Variants in KIF21A observed in about 807,000 individuals in gnomAD.
KIF21A encodes kinesin-like protein KIF21A.
In KIF21A, 114 loss-of-function variants were observed where a neutral mutation model predicts 202.9. The observed-to-expected ratio is 0.56, with a 90% CI of 0.48 to 0.66. The LOEUF is 0.66. KIF21A is among the 30% of genes least tolerant of loss of function. KIF21A has a pLI of 0.00. For missense variants in KIF21A, 1,677 were observed against 1,994.9 expected, an observed-to-expected ratio of 0.84 and a Z score of 3.04; for synonymous variants, 667 against 670.8, an observed-to-expected ratio of 0.99 and a Z score of 0.09.
At chr12:39,387,032 A>G (rs1950989954) in intron 1 of KIF21A, among the ~76,000 whole-genome samples, 1 of 152,104 alleles carries the variant, frequency 6.6e-6, no homozygotes, top group Admixed American at 6.6e-5. Context: ...ACAAAGTCCA[A>G]CAATTTAAAT....
At chr12:39,304,684 G>A (rs1943285105) in intron 35 of KIF21A, 137 bp downstream of exon 35, 1 of 623,520 alleles carries the variant, frequency 1.6e-6, no homozygotes, top group East Asian at 2.9e-5. Context: ...AACTATGAAT[G>A]AGGAAAAGAT....
At chr12:39,422,635 T>C (rs1954395541) in intron 1 of KIF21A, among the ~76,000 whole-genome samples, 2 of 152,152 alleles carry the variant, frequency 1.3e-5, no homozygotes, top group South Asian at 4.1e-4. Context: ...CCAAAACATC[T>C]CCACCCCTAG....
chr12:39,354,314 C>T (rs2138751310), intron 10 of KIF21A, among the ~76,000 whole-genome samples: 1 of 152,172 alleles, frequency 6.6e-6, no homozygotes, highest in Admixed American at 6.5e-5. Context: ...TATATTACCG[C>T]TTTTCAAAGA....
intron 1 of KIF21A, among the ~76,000 whole-genome samples, chr12:39,420,457 A>C (rs1464869709): frequency 6.6e-6 from 1 of 152,146 alleles, no homozygotes; most frequent in Non-Finnish European, 1.5e-5. Flanking sequence ...AAGAACATCA[A>C]GCAAAGAACT....
intron 1 of KIF21A, among the ~76,000 whole-genome samples, chr12:39,419,381 G>C (rs898943303): frequency 2.6e-5 from 4 of 152,180 alleles, no homozygotes; most frequent in Non-Finnish European, 2.9e-5. Context: ...CTCAGCCCTA[G>C]TTCCTATAAT....
intron 34 of KIF21A, among the ~76,000 whole-genome samples, chr12:39,307,063 A>AT (rs891455472): frequency 1.3e-5 from 2 of 152,110 alleles, no homozygotes; most frequent in Non-Finnish European, 2.9e-5. Flanking sequence ...TTAATTTATC[A>AT]TTTTTTTCTT....
In KIF21A at chr12:39,308,737, C is replaced by T. The variant is rs372701022; in HGVS notation, c.4277+849G>A. Among the ~76,000 whole-genome samples the T allele has an allele frequency of 1.5e-3, 229 of 151,964 alleles. 2 individuals are homozygous for T. The highest frequency in any genetic ancestry group is 5.3e-3 in the African/African-American group (220 of 41,420). On this transcript the variant is annotated intron_variant, in intron 33 of 37. Coordinates refer to ENST00000361418, the MANE Select transcript of KIF21A (RefSeq NM_001173464.2). ...CTTTTCAAATTTAACTTCAGTGATT[C>T]AATTGAATTGGTAAATTCTAACATA... is the stretch of plus-strand genomic sequence containing the variant.
At chr12:39,440,917 A>G (rs142766496) in intron 1 of KIF21A, among the ~76,000 whole-genome samples, 2 of 152,032 alleles carry the variant, frequency 1.3e-5, no homozygotes, top group African/African-American at 4.8e-5. Flanking sequence ...CAGCAGGCTG[A>G]GATTAGAGGA....
At chr12:39,349,569 G>T (rs1214161950) in intron 11 of KIF21A, among the ~76,000 whole-genome samples, 1 of 151,976 alleles carries the variant, frequency 6.6e-6, no homozygotes, top group South Asian at 2.1e-4. Context: ...GGAACTCTAG[G>T]TTTATTGTAT....
In KIF21A at chr12:39,442,926, C is replaced by G. The variant is rs1939867067; in HGVS notation, c.44+1G>C. 6.6e-7 allele frequency: 1 copy of G among 1,525,186 alleles called. No homozygotes were observed. The highest frequency in any genetic ancestry group is 2.0e-5 in the Admixed American group (1 of 50,514). The allele number at this position is 1,525,186 out of a possible 1,614,324, so 94.5% of individuals were successfully genotyped here. A position where few individuals can be genotyped will look rare whatever the true frequency, so the allele number is the denominator to read the frequency against. ...GCCCGCCGCCGGCAGACTGTCCTCA[C>G]CTGACAGCCACCCGCACGGAGCTCT... On this transcript the variant is annotated splice_donor_variant, in intron 1 of 37. Coordinates refer to ENST00000361418, the MANE Select transcript of KIF21A (RefSeq NM_001173464.2). LOFTEE classifies it high-confidence loss of function. The surrounding 1 kb of genome is among the most constrained non-coding windows in gnomAD (Gnocchi z 5.0).
intron 20 of KIF21A, 24 bp downstream of exon 20, chr12:39,332,567 G>A (rs200893883): frequency 3.8e-5 from 61 of 1,606,556 alleles, no homozygotes; most frequent in Middle Eastern, 1.7e-4. Flanking sequence ...AAGGGGGAGC[G>A]TATCTACTCT....
At chr12:39,374,681 G>A (rs372219005) in intron 1 of KIF21A, among the ~76,000 whole-genome samples, 89 of 152,172 alleles carry the variant, frequency 5.8e-4, no homozygotes, top group African/African-American at 2.1e-3. Context: ...GTATTTTAAT[G>A]CAAGATATAT....
At chr12:39,327,802 C>T (rs1946102651) in intron 24 of KIF21A, among the ~76,000 whole-genome samples, 1 of 152,156 alleles carries the variant, frequency 6.6e-6, no homozygotes, top group Non-Finnish European at 1.5e-5. Flanking sequence ...CTGTTGTACT[C>T]TCAACTCTGA....
At chr12:39,306,695 C>T (rs997113768) in intron 34 of KIF21A, among the ~76,000 whole-genome samples, 10 of 152,098 alleles carry the variant, frequency 6.6e-5, no homozygotes, top group African/African-American at 2.2e-4. Flanking sequence ...TGTTTAATGG[C>T]CTTTATTCTC....
intron 1 of KIF21A, among the ~76,000 whole-genome samples, chr12:39,432,990 C>T (rs1051938277): frequency 6.6e-6 from 1 of 151,946 alleles, no homozygotes; most frequent in African/African-American, 2.4e-5. Flanking sequence ...CTGATTACAA[C>T]AATTTCAAAA....
chr12:39,355,707 T>TA (rs1948718369), intron 10 of KIF21A, among the ~76,000 whole-genome samples: 1 of 101,240 alleles, frequency 9.9e-6, no homozygotes, highest in Non-Finnish European at 1.9e-5. Flanking sequence ...GCATGAACAA[T>TA]TATATATATA....
chr12:39,432,162 T>C (rs1366227888), intron 1 of KIF21A, among the ~76,000 whole-genome samples: 1 of 152,242 alleles, frequency 6.6e-6, no homozygotes, highest in African/African-American at 2.4e-5. Flanking sequence ...GAACTAGTTA[T>C]GGTCTTGTGT....
intron 3 of KIF21A, among the ~76,000 whole-genome samples, chr12:39,368,504 G>A (rs1592373801): frequency 6.6e-6 from 1 of 152,096 alleles, no homozygotes; most frequent in Non-Finnish European, 1.5e-5. Flanking sequence ...TAGTGTTCCT[G>A]TATCAATAGT....
intron 1 of KIF21A, among the ~76,000 whole-genome samples, chr12:39,410,120 C>T (rs1485750348): frequency 6.6e-6 from 1 of 152,148 alleles, no homozygotes; most frequent in Non-Finnish European, 1.5e-5. Context: ...CATGAGCCAC[C>T]GCACTTGTCC....
Sources: gnomAD v4.1 joint callset for allele counts (sites outside exome capture counted in the v4.1 genomes callset) on GRCh38, gnomAD v4.1.1 for gene constraint, Gnocchi (gnomAD v3.1) non-coding constraint, MANE v1.5 for transcripts, NCBI Gene and HGNC (gene_info 2026-07-23, HGNC 2026-07-21) for gene names.